ARID5B: variants seen among roughly 807,000 people sequenced by gnomAD.
The protein encoded by ARID5B is AT-rich interactive domain-containing protein 5B.
ARID5B carries 13 observed loss-of-function variants against 97.2 expected under a neutral mutation model. The observed-to-expected ratio is 0.13, with a 90% CI of 0.09 to 0.21. The LOEUF (loss-of-function observed/expected upper bound fraction) is 0.21, where lower values mean the gene tolerates loss of function less well. ARID5B is among the 10% of genes least tolerant of loss of function. The pLI, the probability that ARID5B is intolerant of heterozygous loss-of-function variation, is 1.00. For missense variants in ARID5B, 1,210 were observed against 1,465.3 expected, an observed-to-expected ratio of 0.83 and a Z score of 2.84; for synonymous variants, 556 against 570.3, an observed-to-expected ratio of 0.97 and a Z score of 0.36.
At chr10:62,077,454 A>C (rs1178108667) in intron 8 of ARID5B, among the ~76,000 whole-genome samples, 1 of 152,226 alleles carries the variant, frequency 6.6e-6, no homozygotes, top group African/African-American at 2.4e-5. Flanking sequence ...TGAGTGTAAA[A>C]ACACCCTCAG....
intron 3 of ARID5B, among the ~76,000 whole-genome samples, chr10:61,970,468 A>G (rs1215953408): frequency 6.6e-6 from 1 of 152,242 alleles, no homozygotes; most frequent in Non-Finnish European, 1.5e-5. Flanking sequence ...GATTAAATGT[A>G]TGTAGAAGAT....
chr10:61,960,910 C>A (rs1488689352), intron 3 of ARID5B, among the ~76,000 whole-genome samples: 1 of 152,228 alleles, frequency 6.6e-6, no homozygotes, highest in Non-Finnish European at 1.5e-5. Context: ...GCTTTATGCC[C>A]TTCGGCAAGT....
At position 62,000,875 on chromosome 10, in the gene ARID5B, G is replaced by A. The variant is rs1022329958; in HGVS notation, c.733+554G>A. On this transcript the variant is annotated intron_variant, in intron 4 of 9. Transcript: ENST00000279873. The surrounding 1 kb of genome is among the most constrained non-coding windows in gnomAD (Gnocchi z 4.4). Reference sequence around the variant, plus strand: ...TAGATAGATAGATAGATAGATAGATGATAGGTGATAGATATCCATGTCCTG... The same window carrying A: ...TAGATAGATAGATAGATAGATAGATAATAGGTGATAGATATCCATGTCCTG... 7.8e-6 allele frequency among the ~76,000 whole-genome samples: 1 copy of A among 127,404 alleles called. No homozygotes were observed. The highest frequency in any genetic ancestry group is 3.0e-5 in the African/African-American group (1 of 32,852). The allele number at this position is 127,404 out of a possible 152,430, so 83.6% of individuals were successfully genotyped here.
intron 6 of ARID5B, 80 bp from the exon 7 acceptor site, chr10:62,059,163 A>G: frequency 9.5e-7 from 1 of 1,055,648 alleles, no homozygotes; most frequent in East Asian, 2.7e-5. Context: ...TTCTCGTTGA[A>G]AAAAAAAATG....
chr10:61,980,566 C>T (rs1379837809), intron 3 of ARID5B, among the ~76,000 whole-genome samples: 2 of 152,194 alleles, frequency 1.3e-5, no homozygotes, highest in Non-Finnish European at 2.9e-5. Flanking sequence ...AACAATGTTT[C>T]ACGTTAAACC....
At chr10:61,921,748 A>G (rs532985637) in intron 2 of ARID5B, among the ~76,000 whole-genome samples, 3 of 152,318 alleles carry the variant, frequency 2.0e-5, no homozygotes, top group Non-Finnish European at 4.4e-5. Context: ...AACAGAGCCA[A>G]TCACTTCAGT....
At position 62,087,028 on chromosome 10, in the gene ARID5B, C is replaced by T. The variant is rs984316239; in HGVS notation, c.1398+1128C>T. 8.6e-5 allele frequency among the ~76,000 whole-genome samples: 13 copies of T among 151,866 alleles called. No individual in the cohort carries two copies. In the East Asian group the frequency reaches 9.8e-4, roughly 11 times the overall value. On this transcript the variant is annotated intron_variant, in intron 9 of 9. Transcript: ENST00000279873. ...AGAAAATCTTAAGTGTGGCCGGGCG[C>T]GGTGGCTCACGCCTGTAATCCCAGC... is the stretch of plus-strand genomic sequence containing the variant.
intron 3 of ARID5B, among the ~76,000 whole-genome samples, chr10:61,990,676 A>G (rs1838911608): frequency 6.6e-6 from 1 of 152,106 alleles, no homozygotes; most frequent in African/African-American, 2.4e-5. Context: ...TCCTCCCCAG[A>G]GCAACCAAGC....
At chr10:61,969,230 C>G (rs898648762) in intron 3 of ARID5B, among the ~76,000 whole-genome samples, 1 of 152,096 alleles carries the variant, frequency 6.6e-6, no homozygotes, top group African/African-American at 2.4e-5. Context: ...TTGGAAGATA[C>G]GATTTTCAGC....
At chr10:62,064,061 AC>A (rs1479456972) in intron 7 of ARID5B, among the ~76,000 whole-genome samples, 1 of 152,044 alleles carries the variant, frequency 6.6e-6, no homozygotes, top group African/African-American at 2.4e-5. Flanking sequence ...TCAGTTAGCA[AC>A]CCTTTCTCCT....
intron 3 of ARID5B, among the ~76,000 whole-genome samples, chr10:61,978,322 T>G (rs10994992): frequency 6.6e-6 from 1 of 152,066 alleles, no homozygotes; most frequent in South Asian, 2.1e-4. Flanking sequence ...CTTTTGGCTT[T>G]GAATTGACTT....
At chr10:62,016,844 T>C (rs1458470110) in intron 4 of ARID5B, among the ~76,000 whole-genome samples, 1 of 152,224 alleles carries the variant, frequency 6.6e-6, no homozygotes, top group Non-Finnish European at 1.5e-5. Context: ...AGTTCTTTTA[T>C]CTTAGGGCTG....
In ARID5B at chr10:62,092,397, T is replaced by A; in HGVS notation, c.2934T>A (p.Pro978=). Residue 978 remains proline (P), a synonymous_variant, in exon 10 of 10, where the codon CCT becomes CCA. Transcript: ENST00000279873. ...AATCGCTTTCAAGATCAGGAAAACC[T>A]CACCATGTGAGACTGGAGAATTTCA... The part of the protein sequence containing the change: ...YPESLSRSGK[P]HHVRLENFRK... The A allele has an allele frequency of 6.2e-7, 1 of 1,614,034 alleles. No individual in the cohort carries two copies. Among genetic ancestry groups the A allele is most frequent in the Non-Finnish European group, 8.5e-7 (1 of 1,180,014 alleles).
At chr10:61,928,700 G>C (rs1166187140) in intron 2 of ARID5B, among the ~76,000 whole-genome samples, 1 of 152,194 alleles carries the variant, frequency 6.6e-6, no homozygotes, top group Non-Finnish European at 1.5e-5. Context: ...AATGAAGCTT[G>C]ACTGCATTGT....
At chr10:61,938,275 G>C (rs1844340282) in intron 2 of ARID5B, among the ~76,000 whole-genome samples, 1 of 152,172 alleles carries the variant, frequency 6.6e-6, no homozygotes, top group South Asian at 2.1e-4. Context: ...GAAGCAACTA[G>C]TAATTGAAAT....
chr10:61,915,301 C>T (rs1412648476), intron 2 of ARID5B, among the ~76,000 whole-genome samples: 1 of 152,122 alleles, frequency 6.6e-6, no homozygotes, highest in Non-Finnish European at 1.5e-5. Context: ...GTGGGGACCA[C>T]GCATAGTATA....
At chr10:62,081,998 C>CT (rs879567122) in intron 8 of ARID5B, among the ~76,000 whole-genome samples, 67 of 144,430 alleles carry the variant, frequency 4.6e-4, no homozygotes, top group South Asian at 1.1e-3. Flanking sequence ...GATTTTAAGT[C>CT]TTTTTTTTTT....
chr10:61,973,926 T>C (rs1838665143), intron 3 of ARID5B, among the ~76,000 whole-genome samples: 1 of 152,226 alleles, frequency 6.6e-6, no homozygotes, highest in African/African-American at 2.4e-5. Flanking sequence ...AAATCGAGTT[T>C]AGTCATGTAA....
chr10:62,064,777 T>C (rs1839964793), intron 7 of ARID5B, among the ~76,000 whole-genome samples: 1 of 152,098 alleles, frequency 6.6e-6, no homozygotes, highest in Non-Finnish European at 1.5e-5. Context: ...TTTGTTTTTG[T>C]TTTGTTTTGT....
Sources: allele counts gnomAD v4.1 joint callset (sites outside exome capture counted in the v4.1 genomes callset), GRCh38; gene constraint gnomAD v4.1.1; non-coding constraint Gnocchi (gnomAD v3.1); transcripts MANE v1.5; gene names NCBI Gene and HGNC (gene_info 2026-07-23, HGNC 2026-07-21).